SIPA1L3: variants seen among roughly 807,000 people sequenced by gnomAD.
SIPA1L3 encodes signal-induced proliferation-associated 1-like protein 3.
In SIPA1L3, 59 loss-of-function variants were observed where a neutral mutation model predicts 150.1. The ratio of observed to expected loss-of-function variants is 0.39; its 90% CI spans 0.32 to 0.49. The LOEUF (loss-of-function observed/expected upper bound fraction) is 0.49, where lower values mean the gene tolerates loss of function less well. Among genes scored for constraint, SIPA1L3 ranks in the 20% least tolerant of loss-of-function variants. The pLI, the probability that SIPA1L3 is intolerant of heterozygous loss-of-function variation, is 0.86. For missense variants in SIPA1L3, 2,211 were observed against 2,489.5 expected, an observed-to-expected ratio of 0.89 and a Z score of 2.38; for synonymous variants, 1,070 against 1,077.6, an observed-to-expected ratio of 0.99 and a Z score of 0.14.
chr19:38,104,752 G>T (rs992967972), intron 6 of SIPA1L3, among the ~76,000 whole-genome samples: 4 of 151,874 alleles, frequency 2.6e-5, no homozygotes, highest in African/African-American at 9.7e-5. Flanking sequence ...TGTACTTTTA[G>T]TAGAGATGGG....
At position 38,000,766 on chromosome 19, in the gene SIPA1L3, G is replaced by GA. The variant is rs560812482; in HGVS notation, c.-378-28315dup. Among the ~76,000 whole-genome samples the GA allele has an allele frequency of 3.0e-3, 440 of 147,594 alleles. 1 individual carries two copies. Among genetic ancestry groups the GA allele is most frequent in the Admixed American group, 6.3e-3 (93 of 14,680 alleles). On this transcript the variant is annotated intron_variant, in intron 1 of 21. Transcript: ENST00000222345. ...CCCCACTTCTCTATATACATGCTGG[G>GA]AAAAAAAAGACTGGAAGGAAATGAA...
At chr19:38,204,437 G>A (rs1286840451) in intron 21 of SIPA1L3, among the ~76,000 whole-genome samples, 2 of 152,166 alleles carry the variant, frequency 1.3e-5, no homozygotes, top group African/African-American at 2.4e-5. Context: ...CAGGCTTTTC[G>A]GAAGGCAATT....
At chr19:38,063,341 G>A (rs1378340723) in intron 2 of SIPA1L3, among the ~76,000 whole-genome samples, 1 of 151,996 alleles carries the variant, frequency 6.6e-6, no homozygotes, top group Non-Finnish European at 1.5e-5. Flanking sequence ...GTTCCGGGTG[G>A]GCCCCACTGC....
At chr19:37,976,023 C>T (rs143805349) in intron 1 of SIPA1L3, among the ~76,000 whole-genome samples, 224 of 150,742 alleles carry the variant, frequency 1.5e-3, no homozygotes, top group African/African-American at 5.4e-3. Flanking sequence ...GAGAATCACT[C>T]GAACCCAGGA....
chr19:38,106,878 G>A (rs909103820), intron 7 of SIPA1L3, among the ~76,000 whole-genome samples: 17 of 152,344 alleles, frequency 1.1e-4, no homozygotes, highest in Admixed American at 9.1e-4. Flanking sequence ...CTAGCCCGAC[G>A]CCCCTCCAGG....
chr19:37,935,718 C>G (rs933506064), intron 1 of SIPA1L3, among the ~76,000 whole-genome samples: 3 of 152,186 alleles, frequency 2.0e-5, no homozygotes, highest in Admixed American at 2.0e-4. Context: ...TGTGGCCTGG[C>G]CAGCCTGTAG....
rs775632428 is a variant in SIPA1L3 at position 38,081,534 on chromosome 19, C to G, written c.-32C>G. 17 of 1,539,792 alleles carry G rather than the reference C, an allele frequency of 1.1e-5. No homozygotes were observed. The highest frequency in any genetic ancestry group is 9.4e-5 in the Admixed American group (5 of 53,008). ...CCCCATAGAGTGACACCACAGCGTA[C>G]GGGGCCAGCAGCACTCCAGTGCCCG... On this transcript the variant is annotated 5_prime_UTR_variant, in exon 3 of 22. Coordinates refer to ENST00000222345, the MANE Select transcript of SIPA1L3 (RefSeq NM_015073.3).
At chr19:38,191,588 G>A (rs1223236968) in intron 16 of SIPA1L3, among the ~76,000 whole-genome samples, 1 of 151,994 alleles carries the variant, frequency 6.6e-6, no homozygotes, top group East Asian at 1.9e-4. Flanking sequence ...CGAGGCGGGT[G>A]GATCACCTGA....
chr19:38,122,206 G>C (rs1215373093), intron 9 of SIPA1L3, among the ~76,000 whole-genome samples: 4 of 152,150 alleles, frequency 2.6e-5, no homozygotes, highest in African/African-American at 4.8e-5. Flanking sequence ...GGGTGACAGA[G>C]CAAAACTCTG....
intron 2 of SIPA1L3, among the ~76,000 whole-genome samples, chr19:38,080,783 A>T (rs1045603143): frequency 6.6e-6 from 1 of 152,096 alleles, no homozygotes; most frequent in Non-Finnish European, 1.5e-5. Flanking sequence ...CAGTTTGGCC[A>T]ATATGACAAA....
At chr19:38,124,240 T>G (rs915726773) in intron 9 of SIPA1L3, among the ~76,000 whole-genome samples, 3 of 141,714 alleles carry the variant, frequency 2.1e-5, no homozygotes, top group Non-Finnish European at 4.6e-5. Context: ...TCCTCACTTC[T>G]CAGATGGGGC....
rs535996895 is a variant in SIPA1L3, at chr19:38,142,839, T to C, written c.3533+129T>C. On this transcript the variant is annotated intron_variant, in intron 12 of 21. Coordinates refer to ENST00000222345, the MANE Select transcript of SIPA1L3 (RefSeq NM_015073.3). ...GGTGTTTCTGGACCCCTGAAGGTCC[T>C]CAGAGGAGCCCCATGGGGTGGTTAT... The C allele has an allele frequency of 3.4e-6, 4 of 1,189,610 alleles. No homozygotes were observed. The South Asian group carries it at 5.9e-5, about 17-fold the overall frequency. The allele number at this position is 1,189,610 out of a possible 1,614,324, so 73.7% of individuals were successfully genotyped here.
At chr19:37,950,809 G>C (rs1239796277) in intron 1 of SIPA1L3, among the ~76,000 whole-genome samples, 2 of 152,224 alleles carry the variant, frequency 1.3e-5, no homozygotes, top group African/African-American at 4.8e-5. Context: ...GGCAGATCTG[G>C]AAGAAGCTTC....
intron 19 of SIPA1L3, 24 bp downstream of exon 19, chr19:38,198,556 G>A (rs373861848): frequency 5.9e-5 from 87 of 1,481,930 alleles, no homozygotes; most frequent in South Asian, 2.9e-4. Context: ...ACCCAGTCCC[G>A]CCAGGCCCCC....
intron 2 of SIPA1L3, among the ~76,000 whole-genome samples, chr19:38,034,929 G>A: frequency 6.6e-6 from 1 of 152,192 alleles, no homozygotes; most frequent in East Asian, 1.9e-4. Context: ...TAGAGTAGTG[G>A]GGATGCAGTG....
intron 2 of SIPA1L3, among the ~76,000 whole-genome samples, chr19:38,069,105 G>C (rs1348262840): frequency 6.6e-6 from 1 of 152,186 alleles, no homozygotes; most frequent in African/African-American, 2.4e-5. Context: ...GTCTGGGGAA[G>C]ACAGAAGATG....
At position 38,110,389 on chromosome 19, in the gene SIPA1L3, GC is replaced by G; in HGVS notation, c.2291+11del. On this transcript the variant is annotated splice_donor_region_variant and intron_variant, in intron 8 of 21. Transcript: ENST00000222345. ...CACTGATAACGTCTGTTACAGGTAT[GC>G]CCCCCACACCCGGCCCCCAGCAGCG... is the stretch of plus-strand genomic sequence containing the variant. 1.2e-6 allele frequency: 2 copies of G among 1,610,886 alleles called. No individual in the cohort carries two copies. The highest frequency in any genetic ancestry group is 1.1e-5 in the South Asian group (1 of 90,950).
intron 1 of SIPA1L3, among the ~76,000 whole-genome samples, chr19:37,923,299 T>G (rs1363119541): frequency 6.6e-6 from 1 of 152,204 alleles, no homozygotes. Context: ...TGTGTGAACC[T>G]CATGGAGTGT....
chr19:37,975,620 G>T (rs1967057120), intron 1 of SIPA1L3, among the ~76,000 whole-genome samples: 1 of 152,150 alleles, frequency 6.6e-6, no homozygotes, highest in African/African-American at 2.4e-5. Flanking sequence ...CTGTGGCAAG[G>T]GCTCTATAGG....
Sources: gnomAD v4.1 joint callset for allele counts (sites outside exome capture counted in the v4.1 genomes callset) on GRCh38, gnomAD v4.1.1 for gene constraint, MANE v1.5 for transcripts, NCBI Gene and HGNC (gene_info 2026-07-23, HGNC 2026-07-21) for gene names.